RAD54B: variants seen among roughly 807,000 people sequenced by gnomAD.
RAD54B encodes RAD54 homolog B.
A neutral mutation model predicts 95.8 loss-of-function variants in RAD54B; 78 were observed. The ratio of observed to expected loss-of-function variants is 0.81; its 90% CI spans 0.68 to 0.98. The LOEUF (loss-of-function observed/expected upper bound fraction) is 0.98, where lower values mean the gene tolerates loss of function less well. Among genes scored for constraint, RAD54B ranks in the 50% least tolerant of loss-of-function variants. RAD54B has a pLI of 0.00. For synonymous variants in RAD54B, 328 were observed against 354.9 expected, an observed-to-expected ratio of 0.92 and a Z score of 0.85; for missense variants, 957 against 1,056.6, an observed-to-expected ratio of 0.91 and a Z score of 1.31.
intron 2 of RAD54B, among the ~76,000 whole-genome samples, chr8:94,460,926 A>AAGGACACTTCCACTTC (rs1812885514): frequency 6.6e-6 from 1 of 152,168 alleles, no homozygotes; most frequent in East Asian, 1.9e-4. Context: ...ACTTATAATT[A>AAGGACACTTCCACTTC]TAATGGGCCC....
intron 3 of RAD54B, chr8:94,432,064 G>A: frequency 4.8e-6 from 7 of 1,472,354 alleles, no homozygotes; most frequent in Non-Finnish European, 5.4e-6. Context: ...TCTGTTTCAG[G>A]ATATTCCCAA....
chr8:94,375,788 CTG>C lies in RAD54B; in HGVS notation c.2515+2390_2515+2391del, dbSNP rs547405734. ...ATGCTATAATTTATTGGGAGGAAAA[CTG>C]GGCAAGAATATATATCTAGAGTGGC... On this transcript the variant is annotated intron_variant, in intron 14 of 14. Coordinates refer to ENST00000336148, the MANE Select transcript of RAD54B (RefSeq NM_012415.3). 1.7e-3 allele frequency among the ~76,000 whole-genome samples: 257 copies of C among 151,994 alleles called. 1 individual carries two copies. Among genetic ancestry groups the C allele is most frequent in the African/African-American group, 5.9e-3 (244 of 41,426 alleles).
chr8:94,413,310 G>A (rs1811573920), intron 3 of RAD54B, among the ~76,000 whole-genome samples: 1 of 152,152 alleles, frequency 6.6e-6, no homozygotes. Context: ...CGATAATCAA[G>A]ATAGTTTGGT....
At chr8:94,443,707 C>G (rs1464995767) in intron 3 of RAD54B, among the ~76,000 whole-genome samples, 1 of 151,812 alleles carries the variant, frequency 6.6e-6, no homozygotes, top group Non-Finnish European at 1.5e-5. Context: ...TCCTTTGTCC[C>G]TTCTGCTTGC....
intron 3 of RAD54B, among the ~76,000 whole-genome samples, chr8:94,448,585 CTG>C (rs1812575200): frequency 6.6e-6 from 1 of 151,752 alleles, no homozygotes; most frequent in Non-Finnish European, 1.5e-5. Context: ...AAAGGAGACT[CTG>C]TCATTTGCCA....
At chr8:94,379,460 A>G (rs1457249626) in intron 12 of RAD54B, among the ~76,000 whole-genome samples, 1 of 152,218 alleles carries the variant, frequency 6.6e-6, no homozygotes, top group East Asian at 1.9e-4. Context: ...GCAGAGAACA[A>G]CTGGAAGCTT....
chr8:94,449,612 A>C (rs77290220), intron 3 of RAD54B, among the ~76,000 whole-genome samples: 1 of 150,000 alleles, frequency 6.7e-6, no homozygotes, highest in Admixed American at 6.6e-5. Flanking sequence ...CTGTCTCCAA[A>C]AAAAAAAAAA....
intron 10 of RAD54B, among the ~76,000 whole-genome samples, chr8:94,390,189 A>G (rs1810982690): frequency 6.6e-6 from 1 of 151,738 alleles, no homozygotes; most frequent in Non-Finnish European, 1.5e-5. Flanking sequence ...TTTAAAAAAT[A>G]AATATTTTTA....
intron 3 of RAD54B, among the ~76,000 whole-genome samples, chr8:94,420,600 T>C (rs1394975691): frequency 1.3e-5 from 2 of 151,824 alleles, no homozygotes; most frequent in Non-Finnish European, 2.9e-5. Context: ...GGAAAAAACA[T>C]AGCATGGAAA....
chr8:94,469,672 A>C (rs1287864457), intron 1 of RAD54B, among the ~76,000 whole-genome samples: 1 of 152,246 alleles, frequency 6.6e-6, no homozygotes, highest in African/African-American at 2.4e-5. Context: ...CCACTAATCC[A>C]TAAACCACAT....
chr8:94,393,629 G>A, intron 9 of RAD54B, 114 bp downstream of exon 9: 3 of 1,019,924 alleles, frequency 2.9e-6, no homozygotes, highest in Non-Finnish European at 4.3e-6. Context: ...GGATTGTGGA[G>A]AAAAATAAAG....
In RAD54B at chr8:94,380,221, C is replaced by T. The variant is rs1240326440; in HGVS notation, c.2171G>A (p.Gly724Asp). Reference sequence around the variant, plus strand: ...TCCTCCAATGAGGTTAAGTCCTACACCACCAGCTTTTGAACTTAACAAAAA... The same window carrying T: ...TCCTCCAATGAGGTTAAGTCCTACATCACCAGCTTTTGAACTTAACAAAAA... The part of the protein sequence containing the change: ...FIFLLSSKAG[G>D]VGLNLIGGSH... Residue 724 changes from glycine to aspartate, a missense_variant, in exon 12 of 15, where the codon GGT (glycine) becomes GAT (aspartate). Coordinates refer to ENST00000336148, the MANE Select transcript of RAD54B (RefSeq NM_012415.3). The T allele has an allele frequency of 3.1e-6, 5 of 1,613,692 alleles. No individual in the cohort carries two copies. Among genetic ancestry groups the T allele is most frequent in the Non-Finnish European group, 3.4e-6 (4 of 1,179,700 alleles).
chr8:94,411,215 C>CT lies in RAD54B; in HGVS notation c.404dup (p.Lys136GlufsTer4). The CT allele has an allele frequency of 6.2e-7, 1 of 1,610,948 alleles. No individual in the cohort carries two copies. The highest frequency in any genetic ancestry group is 8.5e-7 in the Non-Finnish European group (1 of 1,178,698). ...CACCTTCCCACTTTTTATGTTTTTT[C>CT]TTTGAAGGCTTACACCAAACAACAC... is the stretch of plus-strand genomic sequence containing the variant. On this transcript the variant is annotated frameshift_variant, in exon 4 of 15. Coordinates refer to ENST00000336148, the MANE Select transcript of RAD54B (RefSeq NM_012415.3). LOFTEE classifies it high-confidence loss of function.
intron 5 of RAD54B, among the ~76,000 whole-genome samples, chr8:94,405,634 A>G (rs1239557541): frequency 2.6e-5 from 4 of 152,294 alleles, no homozygotes; most frequent in African/African-American, 7.2e-5. Flanking sequence ...CACTGTAGCA[A>G]AGTAAGAGTG....
At chr8:94,373,584 G>A (rs968626619) in intron 14 of RAD54B, among the ~76,000 whole-genome samples, 4 of 152,178 alleles carry the variant, frequency 2.6e-5, no homozygotes, top group South Asian at 4.1e-4. Flanking sequence ...CCTGGATCAC[G>A]AAATTACCTT....
intron 14 of RAD54B, among the ~76,000 whole-genome samples, chr8:94,376,816 T>A (rs1327924247): frequency 2.0e-5 from 3 of 150,124 alleles, no homozygotes; most frequent in Non-Finnish European, 4.4e-5. Context: ...AATAAACTAA[T>A]AAGCTTCTAT....
intron 3 of RAD54B, chr8:94,430,704 T>C (rs1812070666): frequency 1.1e-6 from 1 of 912,598 alleles, no homozygotes; most frequent in Non-Finnish European, 1.3e-6. Context: ...GTCTGTATAA[T>C]GTTTTAAAAG....
chr8:94,388,073 C>T (rs1169507057), intron 10 of RAD54B, among the ~76,000 whole-genome samples: 2 of 152,140 alleles, frequency 1.3e-5, no homozygotes, highest in African/African-American at 2.4e-5. Context: ...GAGTTTTAAC[C>T]TTTATGGTTA....
chr8:94,433,228 A>T (rs903501738), intron 3 of RAD54B, among the ~76,000 whole-genome samples: 5 of 152,140 alleles, frequency 3.3e-5, no homozygotes, highest in Non-Finnish European at 7.4e-5. Context: ...ACTGGAGGTT[A>T]TCCTAACTTT....
Sources: allele counts gnomAD v4.1 joint callset (sites outside exome capture counted in the v4.1 genomes callset), GRCh38; gene constraint gnomAD v4.1.1; transcripts MANE v1.5; gene names NCBI Gene and HGNC (gene_info 2026-07-23, HGNC 2026-07-21).